PKP4: variants seen among roughly 807,000 people sequenced by gnomAD.
PKP4 encodes the protein plakophilin 4.
Under a neutral mutation model 145.1 loss-of-function variants are expected in PKP4, and 90 were observed. The ratio of observed to expected loss-of-function variants is 0.62; its 90% confidence interval spans 0.52 to 0.74. The LOEUF (loss-of-function observed/expected upper bound fraction) is 0.74, where lower values mean the gene tolerates loss of function less well. Ranked by LOEUF, PKP4 falls within the 30% of genes least tolerant of loss-of-function variation. The pLI, the probability that PKP4 is intolerant of heterozygous loss-of-function variation, is 0.00. For missense variants in PKP4, 1,340 were observed against 1,482.7 expected, an observed-to-expected ratio of 0.90 and a Z score of 1.58; for synonymous variants, 563 against 577.2, an observed-to-expected ratio of 0.98 and a Z score of 0.35.
intron 9 of PKP4, among the ~76,000 whole-genome samples, chr2:158,640,034 T>C (rs1219476877): frequency 6.6e-6 from 1 of 152,212 alleles, no homozygotes; most frequent in African/African-American, 2.4e-5. Flanking sequence ...GTGTGCACAT[T>C]TGCACACATA....
intron 4 of PKP4, among the ~76,000 whole-genome samples, chr2:158,614,958 T>C (rs900712009): frequency 6.6e-6 from 1 of 152,060 alleles, no homozygotes; most frequent in Non-Finnish European, 1.5e-5. Flanking sequence ...AATTTCACAT[T>C]TCATTCTTAT....
In PKP4 at chr2:158,663,450, G is replaced by A; in HGVS notation, c.2577+5G>A. On this transcript the variant is annotated splice_donor_5th_base_variant and intron_variant, in intron 15 of 21. Transcript: ENST00000389759. ...CTCTCTGCTGGCAACTGGAAGGTAGGATGACTTCCACTTATCTACACTTCT... is the reference window on the plus strand; with the variant it reads ...CTCTCTGCTGGCAACTGGAAGGTAGAATGACTTCCACTTATCTACACTTCT... 2 of 1,605,250 alleles carry A rather than the reference G, an allele frequency of 1.2e-6. No homozygotes were observed. The highest frequency in any genetic ancestry group is 1.7e-6 in the Non-Finnish European group (2 of 1,173,828).
At chr2:158,533,905 G>C (rs1324001886) in intron 2 of PKP4, among the ~76,000 whole-genome samples, 1 of 151,854 alleles carries the variant, frequency 6.6e-6, no homozygotes, top group Non-Finnish European at 1.5e-5. Context: ...CCTATATTAG[G>C]TCTTATCAGT....
intron 2 of PKP4, among the ~76,000 whole-genome samples, chr2:158,556,650 G>C (rs1027248056): frequency 2.0e-5 from 3 of 151,740 alleles, no homozygotes; most frequent in African/African-American, 7.3e-5. Context: ...CTGTTTATCA[G>C]ATGAGAAACT....
intron 2 of PKP4, among the ~76,000 whole-genome samples, chr2:158,541,310 T>G (rs934212899): frequency 6.6e-6 from 1 of 152,152 alleles, no homozygotes; most frequent in Non-Finnish European, 1.5e-5. Context: ...ATTTTATGAA[T>G]GTATTGTTCC....
chr2:158,656,492 C>T (rs1270546350), intron 11 of PKP4, among the ~76,000 whole-genome samples: 1 of 152,172 alleles, frequency 6.6e-6, no homozygotes, highest in Non-Finnish European at 1.5e-5. Context: ...TGATTCAGAA[C>T]TGTCTTAAGT....
chr2:158,639,320 G>GT (rs60776650), intron 9 of PKP4, among the ~76,000 whole-genome samples: 87,118 of 132,240 alleles, frequency 0.66, 25,801 homozygotes, highest in South Asian at 0.82. Context: ...AACGCATGAG[G>GT]GGTGTGTGTG....
intron 11 of PKP4, among the ~76,000 whole-genome samples, chr2:158,644,278 T>C (rs1402563786): frequency 1.3e-5 from 2 of 151,278 alleles, no homozygotes; most frequent in Non-Finnish European, 2.9e-5. Flanking sequence ...AAAGGAAGAG[T>C]GGGGTGGAGC....
At chr2:158,624,001 T>C (rs910543798) in intron 6 of PKP4, among the ~76,000 whole-genome samples, 4 of 152,136 alleles carry the variant, frequency 2.6e-5, no homozygotes, top group Admixed American at 6.5e-5. Context: ...AGATTCAGAG[T>C]AGGATCAGCA....
intron 12 of PKP4, chr2:158,660,778 A>G (rs901315074): frequency 6.6e-6 from 1 of 152,224 alleles, no homozygotes; most frequent in African/African-American, 2.4e-5. Context: ...ACAAGAAATT[A>G]TATGTTTCCT....
At chr2:158,505,100 TC>T (rs1194866724) in intron 1 of PKP4, among the ~76,000 whole-genome samples, 1 of 152,238 alleles carries the variant, frequency 6.6e-6, no homozygotes. Context: ...TCTGTTCTGC[TC>T]CTGCTTACTT....
At chr2:158,478,369 ATAGTAAATCCT>A (rs1692823169) in intron 1 of PKP4, among the ~76,000 whole-genome samples, 2 of 151,948 alleles carry the variant, frequency 1.3e-5, no homozygotes, top group Non-Finnish European at 2.9e-5. Flanking sequence ...TTTGATTTTC[ATAGTAAATCCT>A]TTAGACTATG....
At chr2:158,564,208 T>A (rs1247386750) in intron 2 of PKP4, among the ~76,000 whole-genome samples, 2 of 152,100 alleles carry the variant, frequency 1.3e-5, no homozygotes, top group African/African-American at 4.8e-5. Context: ...CTGCTGTGTC[T>A]CATTCACAGT....
intron 2 of PKP4, among the ~76,000 whole-genome samples, chr2:158,537,289 A>G (rs147237190): frequency 0.01 from 1,530 of 152,330 alleles, 25 homozygotes; most frequent in African/African-American, 0.035. Context: ...TTTCATATCT[A>G]TGGTCAAATA....
chr2:158,543,503 A>G (rs72934805), intron 2 of PKP4, among the ~76,000 whole-genome samples: 10 of 152,342 alleles, frequency 6.6e-5, no homozygotes, highest in Admixed American at 1.3e-4. Context: ...TGGTGTCTCC[A>G]TGCAGTTGTG....
chr2:158,649,264 T>C (rs2055121737), intron 11 of PKP4, among the ~76,000 whole-genome samples: 1 of 152,110 alleles, frequency 6.6e-6, no homozygotes, highest in African/African-American at 2.4e-5. Flanking sequence ...GCTGAGTTCC[T>C]GATGTCCAGG....
At chr2:158,503,015 A>T (rs1453459792) in intron 1 of PKP4, among the ~76,000 whole-genome samples, 4 of 152,226 alleles carry the variant, frequency 2.6e-5, no homozygotes, top group Non-Finnish European at 5.9e-5. Context: ...TACCTCTCTT[A>T]GCTTTGCTAT....
intron 2 of PKP4, among the ~76,000 whole-genome samples, chr2:158,550,143 A>ATTAAATCTCTC (rs564291706): frequency 1.4e-5 from 2 of 147,046 alleles, no homozygotes; most frequent in African/African-American, 4.9e-5. Flanking sequence ...TGCCAAGAAG[A>ATTAAATCTCTC]AGTTAAACAA....
At chr2:158,677,904 T>G (rs768295335) in intron 20 of PKP4, among the ~76,000 whole-genome samples, 3 of 152,256 alleles carry the variant, frequency 2.0e-5, no homozygotes, top group Non-Finnish European at 4.4e-5. Flanking sequence ...ATAAACTAAT[T>G]TGCCTCAACT....
Sources: gnomAD v4.1 joint callset for allele counts (sites outside exome capture counted in the v4.1 genomes callset) on GRCh38, gnomAD v4.1.1 for gene constraint, MANE v1.5 for transcripts, NCBI Gene and HGNC (gene_info 2026-07-23, HGNC 2026-07-21) for gene names.